Variants in SPTBN5 observed in about 807,000 individuals in gnomAD.
SPTBN5 encodes spectrin beta chain, non-erythrocytic 5.
SPTBN5 carries 513 observed loss-of-function variants against 477.6 expected under a neutral mutation model. The observed-to-expected ratio is 1.07, with a 90% CI of 1.00 to 1.16. SPTBN5 has a LOEUF of 1.16. Among genes scored for constraint, SPTBN5 ranks in the 50% most tolerant of loss-of-function variants. The pLI, the probability that SPTBN5 is intolerant of heterozygous loss-of-function variation, is 0.00. For missense variants in SPTBN5, 5,062 were observed against 4,731.8 expected (o/e 1.07, Z -2.05); for synonymous variants, 2,169 against 2,011.7 (o/e 1.08, Z -2.09).
At chr15:41,881,838 G>A in intron 12 of SPTBN5, 98 bp downstream of exon 12, 3 of 1,209,546 alleles carry the variant, frequency 2.5e-6, no homozygotes, top group South Asian at 1.6e-5. Context: ...CGAATCCTGG[G>A]CCAGAGGCCA....
chr15:41,854,793 C>T lies in SPTBN5; in HGVS notation c.9607G>A (p.Ala3203Thr), dbSNP rs781466337. 7.8e-6 allele frequency: 12 copies of T among 1,546,480 alleles called. No homozygotes were observed. The Admixed American group carries it at 1.2e-4, about 16-fold the overall frequency. ...AWERLDQAIK[A>T]RTENLAAAHE... ...CTGTGATCACCTACCTCTGTGCGGG[C>T]TTTTATTGCTTGGTCCAACCTCTCC... The change falls in exon 56 of 68, where the codon GCC (alanine) becomes ACC (threonine). Residue 3203 changes from alanine (A) to threonine (T), a missense_variant. Coordinates refer to ENST00000320955, the MANE Select transcript of SPTBN5 (RefSeq NM_016642.4).
At chr15:41,855,019 C>T (rs1238875269) in intron 55 of SPTBN5, 43 bp from the exon 56 acceptor site, 5 of 1,502,546 alleles carry the variant, frequency 3.3e-6, no homozygotes, top group Non-Finnish European at 3.6e-6. Flanking sequence ...GAGATGGTAT[C>T]ATGAGCTCTC....
chr15:41,874,956 T>C lies in SPTBN5; in HGVS notation c.4388A>G (p.Gln1463Arg). ...SSQRLQKRHQQLESESRTLAA... is the reference protein window; with the variant it reads ...SSQRLQKRHQRLESESRTLAA... ...CAGGGTCCGGCTCTCACTCTCCAGC[T>C]GTTGGTGCCGTTTCTGCAGCCTCTG... is the stretch of plus-strand genomic sequence containing the variant. Residue 1463 changes from glutamine (Q) to arginine (R), a missense_variant, in exon 23 of 68, where the codon CAG (glutamine) becomes CGG (arginine). Transcript: ENST00000320955. 1 of 1,613,656 alleles carries C rather than the reference T, an allele frequency of 6.2e-7. No homozygotes were observed. The highest frequency in any genetic ancestry group is 8.5e-7 in the Non-Finnish European group (1 of 1,179,866).
Position 41,873,922 on chromosome 15 carries a change from C to T in SPTBN5, c.4813G>A (p.Glu1605Lys). The T allele has an allele frequency of 6.2e-7, 1 of 1,611,076 alleles. No homozygotes were observed. ...QHIVEQCQEL[E>K]GHWAELERAC... ...CTCTCCAGCTCTGCCCAGTGGCCTT[C>T]CAGCTCCTGGCACTGCTCCACGATG... Residue 1605 changes from glutamate (E) to lysine (K), a missense_variant, in exon 25 of 68, where the codon GAA (glutamate) becomes AAA (lysine). Transcript: ENST00000320955.
Position 41,860,718 on chromosome 15 carries a change from T to C in SPTBN5, c.7856A>G (p.Lys2619Arg), listed in dbSNP as rs1659878945. ...APMEPLLWKH[K>R]MLEWDLEVQA... ...CACCTCCAGGTCCCACTCCAGCATC[T>C]TGTGCTTCCACAGAAGGGGCTCCAT... The change falls in exon 47 of 68, where the codon AAG becomes AGG. Residue 2619 changes from lysine (K) to arginine (R), a missense_variant. Physicochemically the swap from Lys to Arg is conservative, Grantham distance 26 (BLOSUM62 2). Coordinates refer to ENST00000320955, the MANE Select transcript of SPTBN5 (RefSeq NM_016642.4). 6.2e-7 allele frequency: 1 copy of C among 1,601,308 alleles called. No homozygotes were observed. Among genetic ancestry groups the C allele is most frequent in the African/African-American group, 1.3e-5 (1 of 74,720 alleles).
chr15:41,867,750 C>T, intron 34 of SPTBN5, 108 bp from the exon 35 acceptor site: 2 of 1,059,052 alleles, frequency 1.9e-6, no homozygotes, highest in Non-Finnish European at 1.4e-6. Flanking sequence ...CTTAGGAGTG[C>T]CCACTGAGCT....
chr15:41,854,537 C>G (rs940354598), intron 56 of SPTBN5, among the ~76,000 whole-genome samples: 1 of 151,976 alleles, frequency 6.6e-6, no homozygotes, highest in Non-Finnish European at 1.5e-5. Context: ...TGCAGTGCCT[C>G]TCATGGGGCT....
Position 41,888,019 on chromosome 15 carries a change from TC to T in SPTBN5, c.567del (p.Lys190ArgfsTer8). ...TTCACGTTGGTGTAGCTGGCTGTCTTCCGCTGGCACCAGACCAGCAGGGCTT... is the reference window on the plus strand; with the variant it reads ...TTCACGTTGGTGTAGCTGGCTGTCTTCGCTGGCACCAGACCAGCAGGGCTT... ...TKEALLVWCQ[R>X]KTASYTNVNI... On this transcript the variant is annotated frameshift_variant, in exon 5 of 68. Coordinates refer to ENST00000320955, the MANE Select transcript of SPTBN5 (RefSeq NM_016642.4). LOFTEE classifies it high-confidence loss of function. 1 of 1,594,606 alleles carries T rather than the reference TC, an allele frequency of 6.3e-7. No individual in the cohort carries two copies. The highest frequency in any genetic ancestry group is 1.1e-5 in the South Asian group (1 of 87,388).
In SPTBN5 at chr15:41,853,360, A is replaced by G. The variant is rs761626912; in HGVS notation, c.10068T>C (p.His3356=). 1 of 1,612,456 alleles carries G rather than the reference A, an allele frequency of 6.2e-7. No homozygotes were observed. The highest frequency in any genetic ancestry group is 2.2e-5 in the East Asian group (1 of 44,826). Reference sequence around the variant, plus strand: ...CCCTGATTTCTTGCCCCAGCTCTTCATGCTGCCCAAGGAGCTGCTCAGCCC... The same window carrying G: ...CCCTGATTTCTTGCCCCAGCTCTTCGTGCTGCCCAAGGAGCTGCTCAGCCC... ...VAGAEQLLGQ[H]EELGQEIREC... is the part of the protein sequence containing the mutation. Residue 3356 remains histidine, a synonymous_variant, in exon 59 of 68, where the codon CAT becomes CAC. Transcript: ENST00000320955.
chr15:41,859,154 C>A (rs144508301), intron 47 of SPTBN5, among the ~76,000 whole-genome samples, 174 bp from the exon 48 acceptor site: 97 of 152,146 alleles, frequency 6.4e-4, no homozygotes, highest in Non-Finnish European at 1.1e-3. Context: ...GGATTTTGTA[C>A]CCCCAAGTTT....
In SPTBN5 at chr15:41,850,845, G is replaced by T; in HGVS notation, c.10921+9C>A. On this transcript the variant is annotated intron_variant, in intron 66 of 67. Transcript: ENST00000320955. ...GCCGCCCTCCCCGCATCCTTCCCCT[G>T]AAGCCCACCTGCAGTGCTGCCCAGG... 6.3e-7 allele frequency: 1 copy of T among 1,587,856 alleles called. No homozygotes were observed. The highest frequency in any genetic ancestry group is 8.6e-7 in the Non-Finnish European group (1 of 1,168,098).
chr15:41,870,082 T>A, intron 31 of SPTBN5, 62 bp from the exon 32 acceptor site: 1 of 1,453,910 alleles, frequency 6.9e-7, no homozygotes, highest in Non-Finnish European at 9.1e-7. Flanking sequence ...CCCACAGATG[T>A]ATCCCTTGCC....
intron 67 of SPTBN5, 52 bp downstream of exon 67, chr15:41,849,817 G>T: frequency 7.1e-7 from 1 of 1,400,850 alleles, no homozygotes; most frequent in Non-Finnish European, 9.9e-7. Context: ...GCGCCTGCCA[G>T]CCACTGAAGC....
rs565236273 is a variant in SPTBN5 at position 41,855,463 on chromosome 15, C to T, written c.9219-35G>A. 3.1e-6 allele frequency: 5 copies of T among 1,594,682 alleles called. No individual in the cohort carries two copies. The African/African-American group carries it at 5.4e-5, about 17-fold the overall frequency. On this transcript the variant is annotated intron_variant, in intron 54 of 67. Transcript: ENST00000320955. ...GAGAGCGACAGTCTGGACTGCAGCCCTGCCTTTCCAGGCTGGAGCAGTCTC... is the reference window on the plus strand; with the variant it reads ...GAGAGCGACAGTCTGGACTGCAGCCTTGCCTTTCCAGGCTGGAGCAGTCTC...
Position 41,848,417 on chromosome 15 carries a change from C to G in SPTBN5, c.*199G>C. 1.5e-6 allele frequency: 1 copy of G among 652,832 alleles called. No individual in the cohort carries two copies. The highest frequency in any genetic ancestry group is 2.8e-6 in the Non-Finnish European group (1 of 360,542). The allele number at this position is 652,832 out of a possible 1,614,324, so 40.4% of individuals were successfully genotyped here. A position where few individuals can be genotyped will look rare whatever the true frequency, so the allele number is the denominator to read the frequency against. On this transcript the variant is annotated 3_prime_UTR_variant, in exon 68 of 68. Transcript: ENST00000320955. ...ACCCAGACAGGAATGCAGGGGGAGG[C>G]CAGGCAATGGCTGTTTCCTGCCACA...
rs2067039990 is a variant in SPTBN5, at chr15:41,883,338, C to T, written c.1659+10G>A. On this transcript the variant is annotated intron_variant, in intron 8 of 67. Transcript: ENST00000320955. ...TGTGTTTCCCAAGGGCCTGCTGGTC[C>T]AGTGCCCACCTGCAGCTCCTCCAGC... 1 of 1,612,326 alleles carries T rather than the reference C, an allele frequency of 6.2e-7. No homozygotes were observed. The highest frequency in any genetic ancestry group is 1.3e-5 in the African/African-American group (1 of 74,942).
intron 3 of SPTBN5, among the ~76,000 whole-genome samples, chr15:41,892,130 C>T (rs557778441): frequency 7.2e-5 from 11 of 152,324 alleles, no homozygotes; most frequent in African/African-American, 2.6e-4. Context: ...TCCTCCAACA[C>T]ACCCCAGGAG....
intron 36 of SPTBN5, chr15:41,866,697 G>T: frequency 1.3e-6 from 1 of 754,028 alleles, no homozygotes; most frequent in African/African-American, 1.8e-5. Flanking sequence ...TCGTTTTGGA[G>T]GTGTGGCCCC....
At chr15:41,877,560 G>T (rs1482376057) in intron 17 of SPTBN5, among the ~76,000 whole-genome samples, 1 of 152,236 alleles carries the variant, frequency 6.6e-6, no homozygotes, top group African/African-American at 2.4e-5. Flanking sequence ...GCCAACAGCC[G>T]ATGCCCGGCC....
Sources: gnomAD v4.1 joint callset for allele counts (sites outside exome capture counted in the v4.1 genomes callset) on GRCh38, gnomAD v4.1.1 for gene constraint, MANE v1.5 for transcripts, NCBI Gene and HGNC (gene_info 2026-07-23, HGNC 2026-07-21) for gene names.